Variants in ERP44 observed in about 807,000 individuals in gnomAD.
The protein encoded by ERP44 is endoplasmic reticulum protein 44.
A neutral mutation model predicts 53.4 loss-of-function variants in ERP44; 25 were observed. That is an observed-to-expected ratio of 0.47 (90% CI 0.34 to 0.65). ERP44 has a LOEUF of 0.65. ERP44 is among the 30% of genes least tolerant of loss of function. The pLI, the probability that ERP44 is intolerant of heterozygous loss-of-function variation, is 0.01. For synonymous variants in ERP44, 145 were observed against 161.2 expected (o/e 0.90, Z 0.76); for missense variants, 338 against 493.2 (o/e 0.69, Z 2.98).
chr9:100,087,965 C>G (rs536514293), intron 1 of ERP44, among the ~76,000 whole-genome samples: 1 of 152,044 alleles, frequency 6.6e-6, no homozygotes, highest in African/African-American at 2.4e-5. Flanking sequence ...TCAAAAAACA[C>G]GTCAGGAAAT....
At chr9:100,046,525 C>T (rs7043946) in intron 4 of ERP44, among the ~76,000 whole-genome samples, 28,661 of 151,750 alleles carry the variant, frequency 0.19, 4,287 homozygotes, top group African/African-American at 0.42. Context: ...ACAATAGCAT[C>T]AAAAAAATAA....
At chr9:100,031,802 A>G (rs1014413121) in intron 4 of ERP44, among the ~76,000 whole-genome samples, 5 of 152,178 alleles carry the variant, frequency 3.3e-5, no homozygotes, top group Non-Finnish European at 5.9e-5. Flanking sequence ...CTGTTTTGGG[A>G]AAAACCTCTG....
rs1465140843 is a variant in ERP44, at chr9:100,063,383, T to C, written c.58-3211A>G. 4.6e-5 allele frequency among the ~76,000 whole-genome samples: 7 copies of C among 152,284 alleles called. No homozygotes were observed. The South Asian group carries it at 8.3e-4, about 18-fold the overall frequency. On this transcript the variant is annotated intron_variant, in intron 1 of 11. Transcript: ENST00000262455. ...CCTGTTAGCTTATCATTAACATTTC[T>C]ATTAATATGCAGTATGAAGGGAAAG...
At chr9:100,010,837 G>T (rs1264254494) in intron 8 of ERP44, among the ~76,000 whole-genome samples, 3 of 149,188 alleles carry the variant, frequency 2.0e-5, no homozygotes, top group African/African-American at 4.9e-5. Context: ...GGGGGCAGAG[G>T]TTACAGTGAG....
chr9:100,082,957 G>C (rs1291354111), intron 1 of ERP44, among the ~76,000 whole-genome samples: 1 of 152,034 alleles, frequency 6.6e-6, no homozygotes, highest in East Asian at 1.9e-4. Context: ...TCTTGGAATG[G>C]AGAAGGAATT....
chr9:99,995,426 G>A (rs1208433329), intron 10 of ERP44, among the ~76,000 whole-genome samples: 2 of 152,188 alleles, frequency 1.3e-5, no homozygotes, highest in African/African-American at 4.8e-5. Flanking sequence ...TACAGGAAAA[G>A]CATTTGATCC....
chr9:100,011,262 TGG>T (rs1390177897), intron 8 of ERP44, among the ~76,000 whole-genome samples: 1 of 152,212 alleles, frequency 6.6e-6, no homozygotes, highest in African/African-American at 2.4e-5. Flanking sequence ...TGACACCTTG[TGG>T]CCAAACACTC....
At chr9:100,032,356 C>T (rs1428395009) in intron 4 of ERP44, among the ~76,000 whole-genome samples, 5 of 152,194 alleles carry the variant, frequency 3.3e-5, no homozygotes, top group African/African-American at 1.2e-4. Flanking sequence ...AAAAAAGCAT[C>T]TATTGGCTTA....
intron 1 of ERP44, among the ~76,000 whole-genome samples, chr9:100,097,730 A>G (rs917192228): frequency 5.3e-5 from 8 of 152,238 alleles, no homozygotes; most frequent in African/African-American, 1.9e-4. Flanking sequence ...AACTATTTCA[A>G]ACACAAATAT....
chr9:99,999,571 T>G (rs1001580541), intron 10 of ERP44, among the ~76,000 whole-genome samples: 20 of 152,254 alleles, frequency 1.3e-4, no homozygotes, highest in African/African-American at 4.6e-4. Flanking sequence ...CTTTATATAT[T>G]TTAAGTATTA....
At chr9:99,992,315 A>G (rs1038569262) in intron 10 of ERP44, among the ~76,000 whole-genome samples, 4 of 152,292 alleles carry the variant, frequency 2.6e-5, no homozygotes, top group African/African-American at 9.6e-5. Context: ...AAGCTTATCC[A>G]CCAAGATCAA....
chr9:100,033,365 T>A (rs139984350), intron 4 of ERP44, among the ~76,000 whole-genome samples: 1 of 152,268 alleles, frequency 6.6e-6, no homozygotes, highest in East Asian at 1.9e-4. Flanking sequence ...AAGTAAAGAA[T>A]GTCACTTTCT....
chr9:99,994,161 CA>C (rs1196424896), intron 10 of ERP44, among the ~76,000 whole-genome samples: 1 of 152,120 alleles, frequency 6.6e-6, no homozygotes, highest in Non-Finnish European at 1.5e-5. Flanking sequence ...GGTATATACC[CA>C]AAGCATTATA....
chr9:100,098,084 C>A (rs1826668876), intron 1 of ERP44, among the ~76,000 whole-genome samples: 2 of 152,170 alleles, frequency 1.3e-5, no homozygotes, highest in Non-Finnish European at 1.5e-5. Context: ...GGGAAAGATT[C>A]TTTTAAGATG....
intron 4 of ERP44, among the ~76,000 whole-genome samples, chr9:100,024,185 A>G (rs1044033075): frequency 1.3e-5 from 2 of 151,524 alleles, no homozygotes; most frequent in Admixed American, 1.3e-4. Context: ...AACAACAACA[A>G]CAACAACAAA....
At chr9:100,068,699 C>T (rs377027089) in intron 1 of ERP44, among the ~76,000 whole-genome samples, 91 of 148,666 alleles carry the variant, frequency 6.1e-4, no homozygotes, top group East Asian at 3.6e-3. Context: ...CCAGCCGCCC[C>T]GTCCGGGAGG....
intron 1 of ERP44, among the ~76,000 whole-genome samples, chr9:100,085,741 A>T (rs1826472282): frequency 6.6e-6 from 1 of 152,212 alleles, no homozygotes; most frequent in Admixed American, 6.5e-5. Context: ...CTCTACTAAA[A>T]ATACAAAATT....
At position 100,053,302 on chromosome 9, in the gene ERP44, A is replaced by G. The variant is rs943867554; in HGVS notation, c.171-770T>C. On this transcript the variant is annotated intron_variant, in intron 3 of 11. Transcript: ENST00000262455. ...AATTCCTAACCAAGACTTCCTGTCTATATTTTCTTTTTTCTTTTACTTTAA... is the reference window on the plus strand; with the variant it reads ...AATTCCTAACCAAGACTTCCTGTCTGTATTTTCTTTTTTCTTTTACTTTAA... Among the ~76,000 whole-genome samples, 10 of 152,258 alleles carry G rather than the reference A, an allele frequency of 6.6e-5. No individual in the cohort carries two copies. In the East Asian group the frequency reaches 1.9e-3, roughly 29 times the overall value.
intron 1 of ERP44, among the ~76,000 whole-genome samples, chr9:100,061,528 GTATA>G (rs1826148915): frequency 7.3e-6 from 1 of 137,634 alleles, no homozygotes; most frequent in South Asian, 2.2e-4. Context: ...TTATAGAAAC[GTATA>G]TATTTATAGA....
Sources: gnomAD v4.1 joint callset for allele counts (sites outside exome capture counted in the v4.1 genomes callset) on GRCh38, gnomAD v4.1.1 for gene constraint, MANE v1.5 for transcripts, NCBI Gene and HGNC (gene_info 2026-07-23, HGNC 2026-07-21) for gene names.